The following COG6 variants were observed in gnomAD, a reference collection of about 807,000 sequenced individuals.
COG6 encodes component of oligomeric golgi complex 6, also known as conserved oligomeric Golgi complex subunit 6.
Under a neutral mutation model 88.8 loss-of-function variants are expected in COG6, and 74 were observed. The ratio of observed to expected loss-of-function variants is 0.83; its 90% CI spans 0.69 to 1.01. The LOEUF is 1.01. Among genes scored for constraint, COG6 ranks in the 50% least tolerant of loss-of-function variants. COG6 has a pLI of 0.00. For synonymous variants in COG6, 286 were observed against 278.7 expected, an observed-to-expected ratio of 1.03 and a Z score of -0.26; for missense variants, 800 against 797.9, an observed-to-expected ratio of 1.00 and a Z score of -0.03.
intron 4 of COG6, among the ~76,000 whole-genome samples, chr13:39,670,775 G>A (rs1173031417): frequency 1.3e-5 from 2 of 151,970 alleles, no homozygotes; most frequent in Non-Finnish European, 2.9e-5. Flanking sequence ...TTCCTCAGAT[G>A]TATGATTTAC....
At chr13:39,713,280 T>C (rs978639875) in intron 13 of COG6, among the ~76,000 whole-genome samples, 1 of 152,228 alleles carries the variant, frequency 6.6e-6, no homozygotes, top group African/African-American at 2.4e-5. Flanking sequence ...TGCTACTACC[T>C]GTTTTAGGCT....
intron 16 of COG6, among the ~76,000 whole-genome samples, chr13:39,723,830 T>C (rs1878983629): frequency 1.3e-5 from 2 of 152,110 alleles, no homozygotes; most frequent in Admixed American, 1.3e-4. Flanking sequence ...ATTAGTTAAT[T>C]GAATGCATAG....
intron 18 of COG6, 83 bp from the exon 19 acceptor site, chr13:39,750,863 T>C (rs1316501032): frequency 3.0e-6 from 3 of 1,000,826 alleles, no homozygotes; most frequent in African/African-American, 1.6e-5. Flanking sequence ...AATGTGTTGA[T>C]TGAAGTGTCA....
chr13:39,670,578 G>T (rs1875567906), intron 4 of COG6, among the ~76,000 whole-genome samples: 1 of 151,982 alleles, frequency 6.6e-6, no homozygotes, highest in African/African-American at 2.4e-5. Context: ...ATGTCATGGG[G>T]TTTTTGAGAT....
intron 15 of COG6, among the ~76,000 whole-genome samples, chr13:39,721,797 T>G (rs1298202575): frequency 6.6e-6 from 1 of 152,110 alleles, no homozygotes; most frequent in Non-Finnish European, 1.5e-5. Flanking sequence ...TTCCAGTGTT[T>G]CAAGCAAGAA....
At chr13:39,694,815 A>G (rs1318402279) in intron 12 of COG6, 90 bp downstream of exon 12, 1 of 691,874 alleles carries the variant, frequency 1.4e-6, no homozygotes, top group East Asian at 2.7e-5. Flanking sequence ...TATATTGTGT[A>G]TAGTAATTAT....
In COG6 at chr13:39,707,602, G is replaced by A. The variant is rs917991285; in HGVS notation, c.1284+7984G>A. On this transcript the variant is annotated intron_variant, in intron 13 of 18. Transcript: ENST00000455146. ...TCAATATCTAACCCCGGTGTAAACT[G>A]CTGTCTGACTACTGTCTCTTGTTTT... Among the ~76,000 whole-genome samples the A allele has an allele frequency of 4.6e-5, 7 of 152,234 alleles. 1 individual carries two copies. The highest frequency in any genetic ancestry group is 1.9e-4 in the East Asian group (1 of 5,184).
At chr13:39,709,841 A>T (rs989817678) in intron 13 of COG6, among the ~76,000 whole-genome samples, 3 of 152,094 alleles carry the variant, frequency 2.0e-5, no homozygotes, top group Non-Finnish European at 1.5e-5. Context: ...GCATATTTTC[A>T]TGTGGATATA....
intron 15 of COG6, 143 bp downstream of exon 15, chr13:39,719,970 T>C: frequency 1.6e-6 from 1 of 630,260 alleles, no homozygotes; most frequent in Admixed American, 2.3e-5. Context: ...CACACATGCA[T>C]ATACACAACA....
At chr13:39,656,383 C>T in intron 1 of COG6, 1 of 343,274 alleles carries the variant, frequency 2.9e-6, no homozygotes, top group Non-Finnish European at 5.8e-6. Flanking sequence ...GAAAGAACTA[C>T]CTTTGCCCGT....
intron 2 of COG6, among the ~76,000 whole-genome samples, chr13:39,660,575 T>C (rs1318987347): frequency 6.6e-6 from 1 of 152,196 alleles, no homozygotes; most frequent in African/African-American, 2.4e-5. Flanking sequence ...TTATAAAGCA[T>C]TTGCTGTTTT....
chr13:39,754,543 A>C (rs1477855759), downstream of COG6, among the ~76,000 whole-genome samples: 4 of 152,136 alleles, frequency 2.6e-5, no homozygotes, highest in Non-Finnish European at 5.9e-5. Context: ...TATTCTTTAA[A>C]ATTTTTCATA....
At chr13:39,673,495 C>G (rs1875773900) in intron 4 of COG6, among the ~76,000 whole-genome samples, 1 of 151,804 alleles carries the variant, frequency 6.6e-6, no homozygotes, top group Non-Finnish European at 1.5e-5. Flanking sequence ...TGAAAAGTTT[C>G]TTCTTTTTTT....
At chr13:39,717,088 T>G (rs973311871) in intron 13 of COG6, among the ~76,000 whole-genome samples, 5 of 152,184 alleles carry the variant, frequency 3.3e-5, no homozygotes, top group African/African-American at 1.2e-4. Context: ...AGAATAGTTT[T>G]GCTGAATTTG....
chr13:39,736,518 C>T (rs1019912375), intron 18 of COG6, among the ~76,000 whole-genome samples: 1 of 152,006 alleles, frequency 6.6e-6, no homozygotes, highest in Non-Finnish European at 1.5e-5. Flanking sequence ...CATGGAGAAA[C>T]CCTGTCTCTA....
intron 18 of COG6, among the ~76,000 whole-genome samples, chr13:39,733,157 A>T (rs546166181): frequency 1.3e-5 from 2 of 151,984 alleles, no homozygotes; most frequent in African/African-American, 4.8e-5. Context: ...AGCATAATGC[A>T]CTGTAAGAAA....
chr13:39,689,579 G>A (rs1463646169), intron 10 of COG6, among the ~76,000 whole-genome samples, 181 bp from the exon 11 acceptor site: 1 of 151,938 alleles, frequency 6.6e-6, no homozygotes, highest in African/African-American at 2.4e-5. Context: ...CAATTAATAT[G>A]TTAACACAAT....
chr13:39,656,405 A>T, intron 1 of COG6: 1 of 333,438 alleles, frequency 3.0e-6, no homozygotes, highest in Non-Finnish European at 5.9e-6. Context: ...GCTGAAATGA[A>T]CTCATATCTA....
downstream of COG6, among the ~76,000 whole-genome samples, chr13:39,754,139 T>G (rs1283549420): frequency 6.6e-6 from 1 of 152,156 alleles, no homozygotes; most frequent in Non-Finnish European, 1.5e-5. Context: ...AACCCCCTTT[T>G]GACCTTCTTC....
Sources: gnomAD v4.1 joint callset for allele counts (sites outside exome capture counted in the v4.1 genomes callset) on GRCh38, gnomAD v4.1.1 for gene constraint, MANE v1.5 for transcripts, NCBI Gene and HGNC (gene_info 2026-07-23, HGNC 2026-07-21) for gene names.